The following ITGA11 variants were observed in gnomAD, a reference collection of about 807,000 sequenced individuals.
ITGA11 encodes integrin alpha-11.
A neutral mutation model predicts 141.9 loss-of-function variants in ITGA11; 97 were observed. The ratio of observed to expected loss-of-function variants is 0.68; its 90% confidence interval spans 0.58 to 0.81. The LOEUF is 0.81. Ranked by LOEUF, ITGA11 falls within the 30% of genes least tolerant of loss-of-function variation. The probability of loss-of-function intolerance (pLI) is 0.00; values close to 1 mark genes in which losing one functional copy is unlikely to be tolerated. For synonymous variants in ITGA11, 658 were observed against 624.6 expected (o/e 1.05, Z -0.80); for missense variants, 1,387 against 1,559.2 (o/e 0.89, Z 1.86).
At position 68,326,019 on chromosome 15, in the gene ITGA11, G is replaced by A. The variant is rs182217386; in HGVS notation, c.2211+635C>T. On this transcript the variant is annotated intron_variant, in intron 17 of 29. Transcript: ENST00000315757. This position sits in a 1 kb window ranked among gnomAD's most constrained non-coding sequence, Gnocchi z 6.8. ...ATGAAGATGCTGCTGGTGTGGATGC[G>A]TCTCAGGGGGCCCCTTAACAGGGAT... Among the ~76,000 whole-genome samples, 66 of 152,308 alleles carry A rather than the reference G, an allele frequency of 4.3e-4. No individual in the cohort carries two copies. The highest frequency in any genetic ancestry group is 4.2e-3 in the East Asian group (22 of 5,178).
Position 68,403,546 on chromosome 15 carries a change from T to G in ITGA11, c.53-517A>C, listed in dbSNP as rs556315900. Among the ~76,000 whole-genome samples, 77 of 152,284 alleles carry G rather than the reference T, an allele frequency of 5.1e-4. 1 individual carries two copies. The highest frequency in any genetic ancestry group is 3.1e-3 in the Admixed American group (48 of 15,304). On this transcript the variant is annotated intron_variant, in intron 1 of 29. Transcript: ENST00000315757. ...GATTGGAAGCTCCCTGAGGCCCTCA[T>G]TAGAAGCAGATGCTGGCACCATGAT... is the stretch of plus-strand genomic sequence containing the variant.
chr15:68,332,961 T>C lies in ITGA11; in HGVS notation c.1426-483A>G, dbSNP rs141997955. ...AATAAGGCAAATATAGTTTATATAC[T>C]GATTTTTAAATAAAACAATACATCA... On this transcript the variant is annotated intron_variant, in intron 12 of 29. Transcript: ENST00000315757. 2.8e-3 allele frequency among the ~76,000 whole-genome samples: 421 copies of C among 152,372 alleles called. 2 individuals carry two copies. Among genetic ancestry groups the C allele is most frequent in the African/African-American group, 9.6e-3 (400 of 41,588 alleles).
intron 16 of ITGA11, 149 bp downstream of exon 16, chr15:68,327,947 T>C: frequency 2.8e-6 from 2 of 711,970 alleles, no homozygotes; most frequent in Non-Finnish European, 4.6e-6. Context: ...AATGAGAGCA[T>C]CAAATGGGAT....
intron 1 of ITGA11, among the ~76,000 whole-genome samples, chr15:68,417,480 C>T (rs543286077): frequency 6.6e-6 from 1 of 152,278 alleles, no homozygotes; most frequent in East Asian, 1.9e-4. Context: ...TAGAGTTTTC[C>T]AACTGGTCCC....
At chr15:68,339,763 G>T in intron 10 of ITGA11, 119 bp from the exon 11 acceptor site, 1 of 1,161,016 alleles carries the variant, frequency 8.6e-7, no homozygotes, top group Non-Finnish European at 1.2e-6. Context: ...CTTCTCCTGG[G>T]TGCATTATTT....
At position 68,328,183 on chromosome 15, in the gene ITGA11, G is replaced by T. The variant is rs374681501; in HGVS notation, c.1981C>A (p.Arg661Ser). The change falls in exon 16 of 30, where the codon CGC (arginine) becomes AGC (serine). Residue 661 changes from arginine (R) to serine (S), a missense_variant. By Grantham distance (110) the Arg-to-Ser change is moderately radical (BLOSUM62 -1). Transcript: ENST00000315757. This position sits in a 1 kb window ranked among gnomAD's most constrained non-coding sequence, Gnocchi z 4.8. The stretch of plus-strand genomic sequence containing the variant: ...AGGCAGGTGGCATCCCTGCCACTGC[G>T]CTTGCAGTCTCTGTGGAAGATGTTG... ...KINIFHRDCK[R>S]SGRDATCLAA... 6.2e-7 allele frequency: 1 copy of T among 1,613,916 alleles called. No homozygotes were observed. The highest frequency in any genetic ancestry group is 8.5e-7 in the Non-Finnish European group (1 of 1,179,834).
intron 22 of ITGA11, among the ~76,000 whole-genome samples, chr15:68,314,419 T>G (rs1893500279): frequency 6.6e-6 from 1 of 152,136 alleles, no homozygotes; most frequent in Non-Finnish European, 1.5e-5. Flanking sequence ...CCAGTGTGCC[T>G]CCCTTTATAT....
At chr15:68,405,074 G>T (rs993732103) in intron 1 of ITGA11, among the ~76,000 whole-genome samples, 11 of 151,134 alleles carry the variant, frequency 7.3e-5, no homozygotes, top group African/African-American at 2.7e-4. Flanking sequence ...CTGACCCCCT[G>T]CTCAGTATTC....
chr15:68,387,664 G>A (rs1414566019), intron 2 of ITGA11, among the ~76,000 whole-genome samples: 2 of 151,890 alleles, frequency 1.3e-5, no homozygotes, highest in Admixed American at 6.6e-5. Context: ...CCTTACATCC[G>A]CTGGGCTCCA....
chr15:68,408,647 ATTCTGGCCTT>A (rs1896701407), intron 1 of ITGA11, among the ~76,000 whole-genome samples: 1 of 152,128 alleles, frequency 6.6e-6, no homozygotes. Flanking sequence ...TGGAGGTGTG[ATTCTGGCCTT>A]GAAGGGCCAT....
At position 68,307,337 on chromosome 15, in the gene ITGA11, C is replaced by T; in HGVS notation, c.3381+11G>A. The T allele has an allele frequency of 6.5e-7, 1 of 1,549,714 alleles. No individual in the cohort carries two copies. Among genetic ancestry groups the T allele is most frequent in the South Asian group, 1.2e-5 (1 of 84,116 alleles). On this transcript the variant is annotated intron_variant, in intron 28 of 29. Transcript: ENST00000315757. The surrounding 1 kb of genome is among the most constrained non-coding windows in gnomAD (Gnocchi z 6.1). Reference sequence around the variant, plus strand: ...CCTAAGCCCAGTTCTGCAGGGCTCCCAGGGGCTCACCTGGCGGCTGGGATC... The same window carrying T: ...CCTAAGCCCAGTTCTGCAGGGCTCCTAGGGGCTCACCTGGCGGCTGGGATC...
chr15:68,367,359 T>C (rs527254444), intron 3 of ITGA11, among the ~76,000 whole-genome samples: 1 of 152,300 alleles, frequency 6.6e-6, no homozygotes, highest in African/African-American at 2.4e-5. Flanking sequence ...ATTGCCTCTG[T>C]CCCAACCACA....
At chr15:68,313,322 C>T (rs895692147) in intron 23 of ITGA11, among the ~76,000 whole-genome samples, 1 of 151,392 alleles carries the variant, frequency 6.6e-6, no homozygotes, top group Non-Finnish European at 1.5e-5. Context: ...CAGTAGCATG[C>T]CAAGGGGGTG....
At chr15:68,377,706 T>G (rs1263091621) in intron 2 of ITGA11, among the ~76,000 whole-genome samples, 1 of 152,244 alleles carries the variant, frequency 6.6e-6, no homozygotes, top group African/African-American at 2.4e-5. Flanking sequence ...ACATATGTGG[T>G]TGTGTAACAT....
At chr15:68,402,889 G>C in intron 2 of ITGA11, 29 bp downstream of exon 2, 1 of 1,481,564 alleles carries the variant, frequency 6.7e-7, no homozygotes, top group Non-Finnish European at 9.4e-7. Flanking sequence ...ATGGTACAGG[G>C]CTGGGTGTGG....
intron 2 of ITGA11, among the ~76,000 whole-genome samples, chr15:68,391,317 C>G (rs1005124093): frequency 4.6e-5 from 7 of 152,236 alleles, no homozygotes; most frequent in African/African-American, 1.4e-4. Context: ...CACCATTTCT[C>G]TCCCACAATG....
Position 68,322,598 on chromosome 15 carries a change from G to A in ITGA11, c.2323-1095C>T, listed in dbSNP as rs1190108889. On this transcript the variant is annotated intron_variant, in intron 18 of 29. Transcript: ENST00000315757. This position sits in a 1 kb window ranked among gnomAD's most constrained non-coding sequence, Gnocchi z 5.6. ...AAAGCAGGGGTTGGCTGGGCGTGGT[G>A]GCTCACACCTGTAATCCTAGCACTC... is the stretch of plus-strand genomic sequence containing the variant. Among the ~76,000 whole-genome samples the A allele has an allele frequency of 6.6e-6, 1 of 152,042 alleles. No individual in the cohort carries two copies. Among genetic ancestry groups the A allele is most frequent in the African/African-American group, 2.4e-5 (1 of 41,378 alleles).
chr15:68,382,883 A>G (rs1056647395), intron 2 of ITGA11, among the ~76,000 whole-genome samples: 3 of 152,266 alleles, frequency 2.0e-5, no homozygotes, highest in African/African-American at 4.8e-5. Context: ...CCTCAGGTTG[A>G]TAACAAGCAT....
At chr15:68,320,600 G>A (rs1175921129) in intron 19 of ITGA11, among the ~76,000 whole-genome samples, 1 of 152,152 alleles carries the variant, frequency 6.6e-6, no homozygotes, top group Non-Finnish European at 1.5e-5. Context: ...AAGGCCCTTG[G>A]TGTCCCCACC....
Sources: allele counts gnomAD v4.1 joint callset (sites outside exome capture counted in the v4.1 genomes callset), GRCh38; gene constraint gnomAD v4.1.1; non-coding constraint Gnocchi (gnomAD v3.1); transcripts MANE v1.5; gene names NCBI Gene and HGNC (gene_info 2026-07-23, HGNC 2026-07-21).